The following NEK6 variants were observed in gnomAD, a reference collection of about 807,000 sequenced individuals.
The protein encoded by NEK6 is NIMA related kinase 6.
Under a neutral mutation model 43.5 loss-of-function variants are expected in NEK6, and 27 were observed. That is an observed-to-expected ratio of 0.62 (90% confidence interval 0.46 to 0.86). The LOEUF is 0.86. Among genes scored for constraint, NEK6 ranks in the 40% least tolerant of loss-of-function variants. The probability of loss-of-function intolerance (pLI) is 0.00; values close to 1 mark genes in which losing one functional copy is unlikely to be tolerated. For synonymous variants in NEK6, 167 were observed against 164.1 expected (o/e 1.02, Z -0.14); for missense variants, 318 against 414.4 (o/e 0.77, Z 2.02).
intron 1 of NEK6, among the ~76,000 whole-genome samples, chr9:124,279,246 T>C (rs1831786021): frequency 6.6e-6 from 1 of 151,578 alleles, no homozygotes; most frequent in African/African-American, 2.4e-5. Context: ...TGGGGCTAGA[T>C]TGGGCCCGAC....
At chr9:124,335,381 GC>G (rs1425918871) in intron 7 of NEK6, among the ~76,000 whole-genome samples, 1 of 152,208 alleles carries the variant, frequency 6.6e-6, no homozygotes, top group Non-Finnish European at 1.5e-5. Context: ...GTAGCGGTTA[GC>G]CCCTGGCTTC....
intron 8 of NEK6, among the ~76,000 whole-genome samples, chr9:124,340,975 C>G (rs749618144): frequency 2.6e-5 from 4 of 152,216 alleles, no homozygotes; most frequent in Non-Finnish European, 4.4e-5. Context: ...TTTCCCCTCC[C>G]CACATTACAG....
At chr9:124,344,138 C>T (rs190376904) in intron 8 of NEK6, among the ~76,000 whole-genome samples, 1 of 152,336 alleles carries the variant, frequency 6.6e-6, no homozygotes, top group Non-Finnish European at 1.5e-5. Context: ...CTGGCGTCTT[C>T]CCCTCTTCTG....
At chr9:124,313,797 G>T (rs1588499668) in intron 3 of NEK6, 126 bp from the exon 4 acceptor site, 8 of 863,300 alleles carry the variant, frequency 9.3e-6, no homozygotes, top group African/African-American at 1.7e-5. Context: ...GAGTGCAGGG[G>T]GGGGTCACAG....
chr9:124,278,283 C>T (rs1303245612), intron 1 of NEK6, among the ~76,000 whole-genome samples: 23 of 152,198 alleles, frequency 1.5e-4, no homozygotes, highest in Admixed American at 1.3e-3. Flanking sequence ...AAAATCGCCT[C>T]GTCATGCATT....
Position 124,324,252 on chromosome 9 carries a change from C to T in NEK6, c.406-2078C>T, listed in dbSNP as rs1474401950. Among the ~76,000 whole-genome samples, 1 of 152,308 alleles carries T rather than the reference C, an allele frequency of 6.6e-6. No individual in the cohort carries two copies. The highest frequency in any genetic ancestry group is 2.4e-5 in the African/African-American group (1 of 41,576). On this transcript the variant is annotated intron_variant, in intron 5 of 9. Transcript: ENST00000320246. This position sits in a 1 kb window ranked among gnomAD's most constrained non-coding sequence, Gnocchi z 5.3. ...CAATGCCTGGGGTTTGGTGGGAGCTCGGTTCCCCTGGTTCTGCCTGCTCTC... is the reference window on the plus strand; with the variant it reads ...CAATGCCTGGGGTTTGGTGGGAGCTTGGTTCCCCTGGTTCTGCCTGCTCTC...
chr9:124,315,454 A>G (rs1833767709), intron 4 of NEK6, among the ~76,000 whole-genome samples: 1 of 152,230 alleles, frequency 6.6e-6, no homozygotes, highest in Non-Finnish European at 1.5e-5. Context: ...CCCCGGCCAC[A>G]GTGGGTGAGG....
rs1344048449 is a variant in NEK6 at position 124,343,427 on chromosome 9, A to AC, written c.717+3764dup. ...GCGTCCTCAGGGACATCAGGCGCTG[A>AC]CCTAACCCTAGCAGCCCCGGCCTCA... On this transcript the variant is annotated intron_variant, in intron 8 of 9. Coordinates refer to ENST00000320246, the MANE Select transcript of NEK6 (RefSeq NM_014397.6). This position sits in a 1 kb window ranked among gnomAD's most constrained non-coding sequence, Gnocchi z 5.1. 6.6e-6 allele frequency among the ~76,000 whole-genome samples: 1 copy of AC among 151,962 alleles called. No homozygotes were observed. The highest frequency in any genetic ancestry group is 2.4e-5 in the African/African-American group (1 of 41,368).
chr9:124,314,861 T>C (rs1833737290), intron 4 of NEK6, among the ~76,000 whole-genome samples: 1 of 152,152 alleles, frequency 6.6e-6, no homozygotes, highest in African/African-American at 2.4e-5. Flanking sequence ...CGTTTCACCA[T>C]GTTGACCAGC....
chr9:124,261,799 G>A (rs1186682235), intron 1 of NEK6, among the ~76,000 whole-genome samples: 4 of 152,132 alleles, frequency 2.6e-5, no homozygotes, highest in African/African-American at 7.2e-5. Flanking sequence ...GCAAATTGAC[G>A]AACATTTGCA....
rs925303222 is a variant in NEK6, at chr9:124,258,098, G to C, written c.-30+13G>C. On this transcript the variant is annotated intron_variant, in intron 1 of 9. Transcript: ENST00000320246. ...CGCCCGCGCGCCGGTGAGTCGCCTG[G>C]GGCTGGGGCCGGGCCGGTGGGGCCC... The C allele has an allele frequency of 4.6e-5, 45 of 978,958 alleles. No individual in the cohort carries two copies. The African/African-American group carries it at 6.2e-4, about 13-fold the overall frequency. The allele number at this position is 978,958 out of a possible 1,614,324, so 60.6% of individuals were successfully genotyped here. A position where few individuals can be genotyped will look rare whatever the true frequency, so the allele number is the denominator to read the frequency against.
intron 1 of NEK6, among the ~76,000 whole-genome samples, chr9:124,269,234 G>T (rs1367409050): frequency 1.3e-5 from 2 of 152,176 alleles, no homozygotes; most frequent in Admixed American, 6.5e-5. Context: ...CACAGCTAGT[G>T]AGTGGCCCAG....
At chr9:124,336,224 C>T (rs982185467) in intron 7 of NEK6, among the ~76,000 whole-genome samples, 22 of 151,730 alleles carry the variant, frequency 1.4e-4, no homozygotes, top group African/African-American at 3.4e-4. Flanking sequence ...GGCAACAGAG[C>T]GAGACCCTGT....
In NEK6 at chr9:124,339,760, A is replaced by C. The variant is rs1189705249; in HGVS notation, c.717+95A>C. ...CTCACCCTACCAGCTCAGGGTTGGA[A>C]CCCAGGAATGTCACGTCTGCCTGAG... On this transcript the variant is annotated intron_variant, in intron 8 of 9. Coordinates refer to ENST00000320246, the MANE Select transcript of NEK6 (RefSeq NM_014397.6). 5.5e-6 allele frequency: 5 copies of C among 906,886 alleles called. No individual in the cohort carries two copies. In the Middle Eastern group the frequency reaches 6.5e-4, roughly 117 times the overall value. 56.2% of individuals were successfully genotyped at this position (906,886 alleles called of 1,614,324 possible). A position where few individuals can be genotyped will look rare whatever the true frequency, so the allele number is the denominator to read the frequency against.
intron 7 of NEK6, among the ~76,000 whole-genome samples, chr9:124,333,312 T>C (rs1226630154): frequency 6.6e-6 from 1 of 152,210 alleles, no homozygotes; most frequent in African/African-American, 2.4e-5. Flanking sequence ...GAAGAGGTGC[T>C]GTATCTGCTC....
chr9:124,328,578 T>G (rs1828793603), intron 7 of NEK6, among the ~76,000 whole-genome samples: 1 of 152,094 alleles, frequency 6.6e-6, no homozygotes, highest in Non-Finnish European at 1.5e-5. Flanking sequence ...ACTCCATGGC[T>G]CAAGCCAGGA....
intron 4 of NEK6, among the ~76,000 whole-genome samples, chr9:124,320,391 A>T (rs1250233770): frequency 6.6e-6 from 1 of 152,158 alleles, no homozygotes; most frequent in Admixed American, 6.5e-5. Flanking sequence ...ATGGCTCTGT[A>T]ACATCTGCCC....
At chr9:124,279,253 C>T (rs1028005814) in intron 1 of NEK6, among the ~76,000 whole-genome samples, 2 of 151,444 alleles carry the variant, frequency 1.3e-5, no homozygotes, top group African/African-American at 4.9e-5. Context: ...AGATTGGGCC[C>T]GACACCAGCC....
intron 9 of NEK6, among the ~76,000 whole-genome samples, chr9:124,349,837 G>A (rs887742160): frequency 1.4e-4 from 21 of 152,320 alleles, no homozygotes; most frequent in African/African-American, 4.6e-4. Flanking sequence ...GCAGGCTGCA[G>A]GCCCTGTGTC....
Sources: gnomAD v4.1 joint callset for allele counts (sites outside exome capture counted in the v4.1 genomes callset) on GRCh38, gnomAD v4.1.1 for gene constraint, Gnocchi (gnomAD v3.1) non-coding constraint, MANE v1.5 for transcripts, NCBI Gene and HGNC (gene_info 2026-07-23, HGNC 2026-07-21) for gene names.